Variants in SLC1A7 observed in about 807,000 individuals in gnomAD.
SLC1A7 encodes excitatory amino acid transporter 5.
A neutral mutation model predicts 47.7 loss-of-function variants in SLC1A7; 40 were observed. The ratio of observed to expected loss-of-function variants is 0.84; its 90% CI spans 0.65 to 1.09. The LOEUF is 1.09. Ranked by LOEUF, SLC1A7 falls within the 50% of genes least tolerant of loss-of-function variation. The pLI, the probability that SLC1A7 is intolerant of heterozygous loss-of-function variation, is 0.00. For synonymous variants in SLC1A7, 323 were observed against 325.6 expected, an observed-to-expected ratio of 0.99 and a Z score of 0.09; for missense variants, 746 against 769.5, an observed-to-expected ratio of 0.97 and a Z score of 0.36.
chr1:53,127,483 G>C (rs1644895528), intron 2 of SLC1A7, among the ~76,000 whole-genome samples: 1 of 152,220 alleles, frequency 6.6e-6, no homozygotes, highest in African/African-American at 2.4e-5. Context: ...GAGGAAGAGA[G>C]AAGGAAGGTT....
Position 53,097,065 on chromosome 1 carries a change from C to T in SLC1A7, c.698-3505G>A, listed in dbSNP as rs74082998. ...CTCAACCTGCCTCGGTACAATCACA[C>T]GCACTGCCTCAGTACGCTCACACAC... On this transcript the variant is annotated intron_variant, in intron 5 of 10. Coordinates refer to ENST00000371494, the MANE Select transcript of SLC1A7 (RefSeq NM_006671.6). Among the ~76,000 whole-genome samples the T allele has an allele frequency of 1.9e-3, 291 of 151,022 alleles. 1 individual carries two copies. The highest frequency in any genetic ancestry group is 5.0e-3 in the Admixed American group (76 of 15,168).
At chr1:53,116,906 T>C (rs571279194) in intron 2 of SLC1A7, among the ~76,000 whole-genome samples, 1 of 152,338 alleles carries the variant, frequency 6.6e-6, no homozygotes, top group Non-Finnish European at 1.5e-5. Context: ...AACCTGTCCC[T>C]GACCTCAAGG....
At chr1:53,115,078 C>T (rs1428779556) in intron 2 of SLC1A7, 105 bp from the exon 3 acceptor site, 7 of 799,624 alleles carry the variant, frequency 8.8e-6, no homozygotes, top group African/African-American at 1.7e-5. Flanking sequence ...CCTCACAGTG[C>T]TCCAGGGAAC....
At chr1:53,126,106 C>G (rs1644878760) in intron 2 of SLC1A7, among the ~76,000 whole-genome samples, 1 of 152,226 alleles carries the variant, frequency 6.6e-6, no homozygotes, top group African/African-American at 2.4e-5. Context: ...GAGTGGGTTG[C>G]TGTTTCTTTA....
chr1:53,123,220 C>A (rs1644843599), intron 2 of SLC1A7, among the ~76,000 whole-genome samples: 2 of 152,174 alleles, frequency 1.3e-5, no homozygotes, highest in South Asian at 4.2e-4. Context: ...TGAACTGAAT[C>A]CCCCACCCCT....
At chr1:53,098,001 G>A (rs28367301) in intron 5 of SLC1A7, among the ~76,000 whole-genome samples, 12 of 141,234 alleles carry the variant, frequency 8.5e-5, no homozygotes, top group South Asian at 2.3e-4. Context: ...ACACCACCTC[G>A]GTACACTCAC....
intron 5 of SLC1A7, among the ~76,000 whole-genome samples, chr1:53,093,778 C>G (rs1644453757): frequency 6.6e-6 from 1 of 151,632 alleles, no homozygotes; most frequent in Non-Finnish European, 1.5e-5. Context: ...GCCAATGTCA[C>G]CTCCTCAGGA....
intron 2 of SLC1A7, among the ~76,000 whole-genome samples, chr1:53,119,440 C>T (rs1644796784): frequency 6.6e-6 from 1 of 152,142 alleles, no homozygotes. Flanking sequence ...CCTTGACCTC[C>T]TAGGCTCAAA....
At chr1:53,116,871 C>T (rs1322365595) in intron 2 of SLC1A7, among the ~76,000 whole-genome samples, 1 of 152,224 alleles carries the variant, frequency 6.6e-6, no homozygotes, top group East Asian at 1.9e-4. Context: ...CCGTGCCATG[C>T]CCTGTGCCCA....
rs1467024828 is a variant in SLC1A7 at position 53,141,602 on chromosome 1, T to C, written c.135+713A>G. Among the ~76,000 whole-genome samples, 4 of 152,078 alleles carry C rather than the reference T, an allele frequency of 2.6e-5. No homozygotes were observed. The East Asian group carries it at 7.7e-4, about 29-fold the overall frequency. On this transcript the variant is annotated intron_variant, in intron 1 of 10. Transcript: ENST00000371494. ...TTACACAGGCTGGAAACCCGGGGCC[T>C]GGCTCCCCTTCCTGTCCCCCAGCCC...
intron 8 of SLC1A7, 50 bp downstream of exon 8, chr1:53,090,559 CCCA>C: frequency 6.7e-7 from 1 of 1,487,906 alleles, no homozygotes; most frequent in Non-Finnish European, 9.0e-7. Context: ...CCTGGGAATC[CCCA>C]AGGCCCCCAG....
chr1:53,099,110 C>T (rs752152917), intron 5 of SLC1A7, among the ~76,000 whole-genome samples: 11 of 150,228 alleles, frequency 7.3e-5, no homozygotes, highest in Non-Finnish European at 1.6e-4. Context: ...CATACCGCCT[C>T]GGTAGGCTCA....
At chr1:53,123,458 G>A (rs11206103) in intron 2 of SLC1A7, among the ~76,000 whole-genome samples, 30,644 of 152,190 alleles carry the variant, frequency 0.2, 3,705 homozygotes, top group South Asian at 0.42. Context: ...ACCCTGCCCG[G>A]TGTTGAACAT....
At chr1:53,099,411 AGTACGCTCACACAGCCCGCCTCG>A (rs1644543881) in intron 5 of SLC1A7, among the ~76,000 whole-genome samples, 1 of 131,842 alleles carries the variant, frequency 7.6e-6, no homozygotes, top group Non-Finnish European at 1.6e-5. Flanking sequence ...ACACCACCTC[AGTACGCTCACACAGCCCGCCTCG>A]GTATACTCAC....
intron 3 of SLC1A7, among the ~76,000 whole-genome samples, chr1:53,111,780 C>T (rs529618338): frequency 7.8e-4 from 118 of 152,246 alleles, no homozygotes; most frequent in Non-Finnish European, 1.2e-3. Flanking sequence ...AGACTAAATT[C>T]GGAAGTGCCA....
In SLC1A7 at chr1:53,115,373, G is replaced by GTTTTTTAATGATA; in HGVS notation, c.216-401_216-400insTATCATTAAAAAA. ...ACTCTCCTGACCCCTGCCCAGCCAGGCAGGACCAAGCTTGGTCTACCTCTG... is the reference window on the plus strand; with the variant it reads ...ACTCTCCTGACCCCTGCCCAGCCAGGTTTTTTAATGATACAGGACCAAGCTTGGTCTACCTCTG... On this transcript the variant is annotated intron_variant, in intron 2 of 10. Coordinates refer to ENST00000371494, the MANE Select transcript of SLC1A7 (RefSeq NM_006671.6). The GTTTTTTAATGATA allele has an allele frequency of 9.9e-5, 22 of 221,718 alleles. No homozygotes were observed. The East Asian group carries it at 1.5e-3, about 15-fold the overall frequency. 13.7% of individuals were successfully genotyped at this position (221,718 alleles called of 1,614,324 possible).
rs370578695 is a variant in SLC1A7 at position 53,114,744 on chromosome 1, G to A, written c.431+14C>T. ...CCTGGCGTTCCCAAGCGGGGTGTGG[G>A]TGGCAATAGTTACCGGATGAGGTCC... On this transcript the variant is annotated intron_variant, in intron 3 of 10. Coordinates refer to ENST00000371494, the MANE Select transcript of SLC1A7 (RefSeq NM_006671.6). 5.0e-6 allele frequency: 8 copies of A among 1,610,332 alleles called. No individual in the cohort carries two copies. The East Asian group carries it at 1.6e-4, about 31-fold the overall frequency.
intron 3 of SLC1A7, among the ~76,000 whole-genome samples, chr1:53,114,406 T>C (rs1426571080): frequency 1.3e-5 from 2 of 152,166 alleles, no homozygotes; most frequent in East Asian, 3.8e-4. Flanking sequence ...GGCACCTTTT[T>C]GAGCCCCATT....
intron 1 of SLC1A7, among the ~76,000 whole-genome samples, chr1:53,135,742 T>TA (rs1644985845): frequency 6.6e-6 from 1 of 152,210 alleles, no homozygotes; most frequent in Admixed American, 6.5e-5. Context: ...GTGCTGTTTA[T>TA]AAAATTTTTT....
Sources: gnomAD v4.1 joint callset for allele counts (sites outside exome capture counted in the v4.1 genomes callset) on GRCh38, gnomAD v4.1.1 for gene constraint, MANE v1.5 for transcripts, NCBI Gene and HGNC (gene_info 2026-07-23, HGNC 2026-07-21) for gene names.